Variants in TOPBP1 observed in about 807,000 individuals in gnomAD.
TOPBP1 encodes the protein DNA topoisomerase 2-binding protein 1.
In TOPBP1, 28 loss-of-function variants were observed where a neutral mutation model predicts 167.7. That is an observed-to-expected ratio of 0.17 (90% CI 0.12 to 0.23). The LOEUF (loss-of-function observed/expected upper bound fraction) is 0.23, where lower values mean the gene tolerates loss of function less well. TOPBP1 is among the 10% of genes least tolerant of loss of function. The pLI, the probability that TOPBP1 is intolerant of heterozygous loss-of-function variation, is 1.00. For synonymous variants in TOPBP1, 598 were observed against 611.4 expected, an observed-to-expected ratio of 0.98 and a Z score of 0.32; for missense variants, 1,554 against 1,809.6, an observed-to-expected ratio of 0.86 and a Z score of 2.56.
In TOPBP1 at chr3:133,649,819, T is replaced by A; in HGVS notation, c.1214A>T (p.Asp405Val). The A allele has an allele frequency of 1.2e-6, 2 of 1,609,696 alleles. No individual in the cohort carries two copies. The highest frequency in any genetic ancestry group is 1.7e-6 in the Non-Finnish European group (2 of 1,178,970). Residue 405 changes from aspartate (D) to valine (V), a missense_variant, in exon 9 of 28, where the codon GAT becomes GTT. Transcript: ENST00000260810. ...ATTCCAAAACTGCTTCAATTCATCA[T>A]CATAATCTCCCACAATAACATGAGT... ...DVTHVIVGDYDDELKQFWNKS... is the reference protein window; with the variant it reads ...DVTHVIVGDYVDELKQFWNKS...
intron 14 of TOPBP1, among the ~76,000 whole-genome samples, chr3:133,632,368 G>A (rs1034860593): frequency 3.3e-5 from 5 of 151,984 alleles, no homozygotes; most frequent in Admixed American, 1.3e-4. Flanking sequence ...TCATGCCACC[G>A]CACTTCAGCC....
chr3:133,618,166 C>T, intron 21 of TOPBP1, 47 bp downstream of exon 21: 1 of 1,490,992 alleles, frequency 6.7e-7, no homozygotes, highest in Non-Finnish European at 9.3e-7. Context: ...TTTAAGAGGT[C>T]AACATGTACT....
chr3:133,624,536 T>C (rs1439554727), intron 16 of TOPBP1, among the ~76,000 whole-genome samples: 1 of 152,212 alleles, frequency 6.6e-6, no homozygotes, highest in Non-Finnish European at 1.5e-5. Flanking sequence ...TTTATGCATA[T>C]ATCTGTAGGT....
intron 7 of TOPBP1, among the ~76,000 whole-genome samples, 179 bp from the exon 8 acceptor site, chr3:133,652,808 C>G (rs774254995): frequency 3.3e-5 from 5 of 152,074 alleles, no homozygotes; most frequent in Non-Finnish European, 7.3e-5. Flanking sequence ...ATTAATTAAG[C>G]CTCCTATCTT....
chr3:133,625,676 A>G (rs1452894917), intron 16 of TOPBP1, among the ~76,000 whole-genome samples: 1 of 152,028 alleles, frequency 6.6e-6, no homozygotes, highest in Non-Finnish European at 1.5e-5. Context: ...GGTTGTGGTG[A>G]GTCGAGATTA....
chr3:133,641,080 C>CA (rs1935876174), intron 12 of TOPBP1, among the ~76,000 whole-genome samples: 1 of 151,400 alleles, frequency 6.6e-6, no homozygotes, highest in African/African-American at 2.4e-5. Context: ...TTTCCTAGCA[C>CA]TTTTTTTTTC....
intron 19 of TOPBP1, among the ~76,000 whole-genome samples, chr3:133,622,336 A>G (rs890847444): frequency 6.6e-6 from 1 of 151,832 alleles, no homozygotes; most frequent in African/African-American, 2.4e-5. Context: ...AATTACAGGC[A>G]TGCAACCACC....
At chr3:133,609,032 T>G in intron 25 of TOPBP1, 70 bp from the exon 26 acceptor site, 1 of 1,206,522 alleles carries the variant, frequency 8.3e-7, no homozygotes, top group Non-Finnish European at 1.2e-6. Context: ...AATGCATGAT[T>G]TTATCTGTAG....
At chr3:133,635,919 T>C (rs1472702481) in intron 14 of TOPBP1, among the ~76,000 whole-genome samples, 1 of 152,118 alleles carries the variant, frequency 6.6e-6, no homozygotes, top group Non-Finnish European at 1.5e-5. Flanking sequence ...AAATTCTGTA[T>C]ATCCATACAA....
At chr3:133,603,329 AAAG>A (rs1164580182) in intron 27 of TOPBP1, among the ~76,000 whole-genome samples, 3 of 152,342 alleles carry the variant, frequency 2.0e-5, no homozygotes, top group East Asian at 3.9e-4. Context: ...CAAGAAAGAC[AAAG>A]AAGAACAAGG....
chr3:133,624,239 T>C, intron 16 of TOPBP1, 64 bp from the exon 17 acceptor site: 4 of 1,558,656 alleles, frequency 2.6e-6, no homozygotes, highest in Non-Finnish European at 3.5e-6. Flanking sequence ...TTAAGATGAT[T>C]CTTATTTACT....
At chr3:133,613,694 TAAACATA>T (rs1934758699) in intron 23 of TOPBP1, among the ~76,000 whole-genome samples, 1 of 151,988 alleles carries the variant, frequency 6.6e-6, no homozygotes, top group South Asian at 2.1e-4. Flanking sequence ...AAGGCATAAG[TAAACATA>T]AGCTTATGTA....
chr3:133,623,283 G>C (rs765590935), intron 18 of TOPBP1, 28 bp downstream of exon 18: 2 of 1,612,832 alleles, frequency 1.2e-6, no homozygotes, highest in Non-Finnish European at 1.7e-6. Context: ...GCTTAAGAGG[G>C]GGTAAATGTA....
intron 19 of TOPBP1, among the ~76,000 whole-genome samples, chr3:133,620,873 C>G (rs1241965544): frequency 6.6e-6 from 1 of 151,816 alleles, no homozygotes; most frequent in Non-Finnish European, 1.5e-5. Flanking sequence ...CCGTGCCTGG[C>G]CCCCTTCAAA....
rs1482889026 is a variant in TOPBP1 at position 133,653,427 on chromosome 3, G to A, written c.840C>T (p.Ser280=). The A allele has an allele frequency of 3.1e-6, 5 of 1,613,016 alleles. No homozygotes were observed. The highest frequency in any genetic ancestry group is 1.1e-5 in the South Asian group (1 of 90,916). ...CTGGTCTAGGTTCTGTCTTGTATAT[G>A]GATTCATCCTGACAAAAACCTTTCT... The part of the protein sequence containing the change: ...SIEKGFCQDE[S]IYKTEPRPEA... Residue 280 remains serine (S), a synonymous_variant, in exon 7 of 28, where the codon TCC becomes TCT. Coordinates refer to ENST00000260810, the MANE Select transcript of TOPBP1 (RefSeq NM_007027.4).
intron 14 of TOPBP1, among the ~76,000 whole-genome samples, chr3:133,632,109 T>C (rs1309205807): frequency 6.6e-6 from 1 of 152,048 alleles, no homozygotes; most frequent in Middle Eastern, 3.2e-3. Flanking sequence ...CAATTAAACC[T>C]CTTTTCTTTA....
chr3:133,616,834 C>A lies in TOPBP1; in HGVS notation c.3851G>T (p.Cys1284Phe). The change falls in exon 23 of 28, where the codon TGT becomes TTT. Residue 1284 changes from cysteine to phenylalanine, a missense_variant. Coordinates refer to ENST00000260810, the MANE Select transcript of TOPBP1 (RefSeq NM_007027.4). ...SLNPQERIDY[C>F]HLIEKLGGLV... ...GGTACCTAGTTTCTCAATCAGATGA[C>A]AATAGTCAATACGTTCTTGAGGATT... 1 of 1,532,728 alleles carries A rather than the reference C, an allele frequency of 6.5e-7. No homozygotes were observed. The highest frequency in any genetic ancestry group is 2.4e-5 in the Admixed American group (1 of 41,932). 94.9% of individuals were successfully genotyped at this position (1,532,728 alleles called of 1,614,324 possible).
intron 27 of TOPBP1, 48 bp downstream of exon 27, chr3:133,608,487 T>C: frequency 1.3e-6 from 2 of 1,599,050 alleles, no homozygotes; most frequent in South Asian, 2.3e-5. Context: ...TCTATGCACA[T>C]AAACGTATCT....
intron 27 of TOPBP1, among the ~76,000 whole-genome samples, chr3:133,606,436 T>TTACTGTCC (rs1934494379): frequency 6.6e-6 from 1 of 151,846 alleles, no homozygotes; most frequent in African/African-American, 2.4e-5. Context: ...GTAAAGATGT[T>TTACTGTCC]TACTGTCCTC....
Sources: gnomAD v4.1 joint callset for allele counts (sites outside exome capture counted in the v4.1 genomes callset) on GRCh38, gnomAD v4.1.1 for gene constraint, MANE v1.5 for transcripts, NCBI Gene and HGNC (gene_info 2026-07-23, HGNC 2026-07-21) for gene names.